ITSN2: variants seen among roughly 807,000 people sequenced by gnomAD.
ITSN2 encodes intersectin 2, also known as intersectin-2.
ITSN2 carries 156 observed loss-of-function variants against 243.7 expected under a neutral mutation model. The observed-to-expected ratio is 0.64, with a 90% confidence interval of 0.56 to 0.73. ITSN2 has a LOEUF of 0.73. Among genes scored for constraint, ITSN2 ranks in the 30% least tolerant of loss-of-function variants. The pLI, the probability that ITSN2 is intolerant of heterozygous loss-of-function variation, is 0.00. For synonymous variants in ITSN2, 703 were observed against 699.9 expected (o/e 1.00, Z -0.07); for missense variants, 1,801 against 1,996.1 (o/e 0.90, Z 1.86).
intron 29 of ITSN2, among the ~76,000 whole-genome samples, chr2:24,232,910 T>C (rs12993921): frequency 6.6e-6 from 1 of 152,086 alleles, no homozygotes; most frequent in Non-Finnish European, 1.5e-5. Context: ...GCAAAAAAGG[T>C]TTAGGATAAA....
intron 1 of ITSN2, among the ~76,000 whole-genome samples, chr2:24,346,225 G>C (rs1215358992): frequency 6.6e-6 from 1 of 152,158 alleles, no homozygotes; most frequent in Non-Finnish European, 1.5e-5. Flanking sequence ...AGCTGGTCAA[G>C]GTCAACATCA....
At chr2:24,312,163 G>T (rs879175764) in intron 5 of ITSN2, 49 bp downstream of exon 5, 1 of 1,422,110 alleles carries the variant, frequency 7.0e-7, no homozygotes, top group South Asian at 1.5e-5. Flanking sequence ...TATGCCTAGG[G>T]ATAAAGTTTA....
chr2:24,203,699 A>C lies in ITSN2; in HGVS notation c.5021T>G (p.Leu1674Arg). ...SKGPMTRRLL[L>R]HEVPTGEVWV... ...GACCTCCCCGGTGGGGACCTCATGC[A>C]GCAGCAGTCGGCGGGTCATAGGGCC... The change falls in exon 40 of 40, where the codon CTG (leucine) becomes CGG (arginine). Residue 1674 changes from leucine (L) to arginine (R), a missense_variant. Around this residue, in one of 5 missense-constraint regions of ITSN2, gnomAD observed 928 missense variants for 1,065.4 expected, o/e 0.87. Transcript: ENST00000355123. 1 of 1,614,196 alleles carries C rather than the reference A, an allele frequency of 6.2e-7. No individual in the cohort carries two copies. Among genetic ancestry groups the C allele is most frequent in the Non-Finnish European group, 8.5e-7 (1 of 1,180,022 alleles).
rs546217903 is a variant in ITSN2, at chr2:24,211,145, C to A, written c.4090-198G>T. 6.6e-6 allele frequency among the ~76,000 whole-genome samples: 1 copy of A among 152,312 alleles called. No homozygotes were observed. The highest frequency in any genetic ancestry group is 6.5e-5 in the Admixed American group (1 of 15,302). On this transcript the variant is annotated intron_variant, in intron 33 of 39. Transcript: ENST00000355123. The surrounding 1 kb of genome is among the most constrained non-coding windows in gnomAD (Gnocchi z 4.1). Reference sequence around the variant, plus strand: ...TTCTTGGGGACACAGGGACAGGTAACGCTGCTGTGACAAGGTGACAGTGCT... The same window carrying A: ...TTCTTGGGGACACAGGGACAGGTAAAGCTGCTGTGACAAGGTGACAGTGCT...
intron 1 of ITSN2, chr2:24,335,179 A>T (rs1686233829): frequency 5.2e-6 from 1 of 190,930 alleles, no homozygotes; most frequent in Non-Finnish European, 1.1e-5. Context: ...TATTATAAAG[A>T]CAATAAAATC....
intron 22 of ITSN2, among the ~76,000 whole-genome samples, chr2:24,260,725 T>C (rs770317388): frequency 1.7e-4 from 26 of 151,874 alleles, no homozygotes; most frequent in Non-Finnish European, 1.8e-4. Flanking sequence ...CTGGCTAACA[T>C]GGTGAAACCC....
intron 29 of ITSN2, among the ~76,000 whole-genome samples, chr2:24,230,706 T>C (rs928316191): frequency 3.3e-5 from 5 of 152,032 alleles, no homozygotes; most frequent in Admixed American, 3.3e-4. Flanking sequence ...AGGCAGAGGT[T>C]GCAGTGACCG....
At chr2:24,301,854 G>T in intron 10 of ITSN2, 111 bp downstream of exon 10, 1 of 1,063,294 alleles carries the variant, frequency 9.4e-7, no homozygotes, top group Non-Finnish European at 1.3e-6. Flanking sequence ...CCCTTTTCAA[G>T]TATAACTTGT....
At chr2:24,206,607 G>T (rs999636782) in intron 37 of ITSN2, among the ~76,000 whole-genome samples, 1 of 152,144 alleles carries the variant, frequency 6.6e-6, no homozygotes, top group Non-Finnish European at 1.5e-5. Flanking sequence ...GACCATTGCG[G>T]CTCCACTGAG....
intron 22 of ITSN2, among the ~76,000 whole-genome samples, 157 bp from the exon 23 acceptor site, chr2:24,258,250 A>G (rs912877543): frequency 3.9e-5 from 6 of 152,238 alleles, no homozygotes; most frequent in African/African-American, 1.4e-4. Flanking sequence ...TAAATTATAC[A>G]TGATAGACAA....
chr2:24,298,050 T>C (rs559250840), intron 13 of ITSN2, among the ~76,000 whole-genome samples: 2 of 151,912 alleles, frequency 1.3e-5, no homozygotes, highest in South Asian at 4.2e-4. Flanking sequence ...AGTGGTGCGA[T>C]CTTGGCTCAC....
At chr2:24,343,576 T>C (rs1574383553) in intron 1 of ITSN2, among the ~76,000 whole-genome samples, 2 of 152,206 alleles carry the variant, frequency 1.3e-5, no homozygotes, top group Admixed American at 1.3e-4. Context: ...TGTGGACAGA[T>C]ATGTGCTTCC....
At chr2:24,275,329 C>T (rs1262511298) in intron 18 of ITSN2, among the ~76,000 whole-genome samples, 2 of 152,334 alleles carry the variant, frequency 1.3e-5, no homozygotes, top group East Asian at 3.9e-4. Context: ...CTTGGGACTA[C>T]AGGCGTGTGT....
chr2:24,308,582 C>CT (rs1682847027), intron 8 of ITSN2, 35 bp downstream of exon 8: 2 of 1,308,624 alleles, frequency 1.5e-6, no homozygotes, highest in Non-Finnish European at 2.0e-6. Flanking sequence ...ATAAAAGACC[C>CT]TTTTTCATGC....
At position 24,205,249 on chromosome 2, in the gene ITSN2, A is replaced by C. The variant is rs762728073; in HGVS notation, c.4727T>G (p.Ile1576Ser). The C allele has an allele frequency of 6.2e-7, 1 of 1,614,012 alleles. No individual in the cohort carries two copies. The highest frequency in any genetic ancestry group is 1.1e-5 in the South Asian group (1 of 91,082). ...SGIGRLMVHV[I>S]EATELKACKP... ...GCAGGCTTTTAATTCTGTAGCTTCA[A>C]TGACATGCACCATCAGGCGCCCAAT... Residue 1576 changes from isoleucine (I) to serine (S), a missense_variant, in exon 38 of 40, where the codon ATT becomes AGT. By Grantham distance (142) the Ile-to-Ser change is moderately radical. Transcript: ENST00000355123.
intron 22 of ITSN2, 105 bp from the exon 23 acceptor site, chr2:24,258,198 T>C: frequency 1.3e-6 from 1 of 781,448 alleles, no homozygotes; most frequent in Non-Finnish European, 2.1e-6. Context: ...ACCAGTTTTG[T>C]GTCGTGGTGA....
chr2:24,340,695 C>T (rs951667310), intron 1 of ITSN2, among the ~76,000 whole-genome samples: 4 of 151,716 alleles, frequency 2.6e-5, no homozygotes, highest in Admixed American at 2.0e-4. Context: ...TTTTGTTCAG[C>T]ATTTGGTCTA....
chr2:24,273,351 G>T (rs1677613004), intron 18 of ITSN2, among the ~76,000 whole-genome samples: 1 of 152,136 alleles, frequency 6.6e-6, no homozygotes, highest in Non-Finnish European at 1.5e-5. Context: ...TGCTTCTCTT[G>T]CAGTCCTCAC....
chr2:24,337,279 ATGTATG>A lies in ITSN2; in HGVS notation c.-33-9170_-33-9165del, dbSNP rs1430979108. Among the ~76,000 whole-genome samples the A allele has an allele frequency of 8.1e-3, 790 of 97,860 alleles. 49 individuals are homozygous for A. Among genetic ancestry groups the A allele is most frequent in the African/African-American group, 0.02 (534 of 26,916 alleles). The allele number at this position is 97,860 out of a possible 152,430, so 64.2% of individuals were successfully genotyped here. A position where few individuals can be genotyped will look rare whatever the true frequency, so the allele number is the denominator to read the frequency against. ...CCTGCAGGCGTGTGTGTCTATATGT[ATGTATG>A]TGTGTGTGTGTGTGTGTGTGTATAC... On this transcript the variant is annotated intron_variant, in intron 1 of 39. Transcript: ENST00000355123.
Sources: allele counts gnomAD v4.1 joint callset (sites outside exome capture counted in the v4.1 genomes callset), GRCh38; gene constraint gnomAD v4.1.1; regional missense constraint gnomAD v4.1.1; non-coding constraint Gnocchi (gnomAD v3.1); transcripts MANE v1.5; gene names NCBI Gene and HGNC (gene_info 2026-07-23, HGNC 2026-07-21).